ZNF341: variants seen among roughly 807,000 people sequenced by gnomAD.
The protein encoded by ZNF341 is zinc finger protein 341.
A neutral mutation model predicts 87.7 loss-of-function variants in ZNF341; 52 were observed. That is an observed-to-expected ratio of 0.59 (90% CI 0.47 to 0.75). The LOEUF is 0.75. Ranked by LOEUF, ZNF341 falls within the 30% of genes least tolerant of loss-of-function variation. The pLI is 0.00. For missense variants in ZNF341, 977 were observed against 1,145.9 expected (o/e 0.85, Z 2.13); for synonymous variants, 459 against 472.7 (o/e 0.97, Z 0.38).
intron 1 of ZNF341, among the ~76,000 whole-genome samples, chr20:33,737,332 T>TATTTTTA (rs1483811366): frequency 2.7e-4 from 41 of 152,140 alleles, no homozygotes; most frequent in African/African-American, 8.2e-4. Context: ...TTTTATTTTT[T>TATTTTTA]ATTTTTTGAG....
rs751333161 is a variant in ZNF341 at position 33,753,213 on chromosome 20, GCCTCCACCTCCT to G, written c.546_557del (p.Pro184_Pro187del). On this transcript the variant is annotated inframe_deletion, in exon 5 of 15. Transcript: ENST00000375200. ...ATTCCGTGCCCAGCTACCTCACCCA[GCCTCCACCTCCT>G]CCTCCACCTCCTCCACCACTGCCCC... 43 of 1,611,624 alleles carry G rather than the reference GCCTCCACCTCCT, an allele frequency of 2.7e-5. No individual in the cohort carries two copies. Among genetic ancestry groups the G allele is most frequent in the African/African-American group, 8.0e-5 (6 of 74,776 alleles).
chr20:33,736,131 AAAAAAAAAAAG>A (rs1434673924), intron 1 of ZNF341, among the ~76,000 whole-genome samples: 3 of 128,114 alleles, frequency 2.3e-5, no homozygotes, highest in Admixed American at 1.7e-4. Context: ...CTGTCTCAAA[AAAAAAAAAAAG>A]TAAAAACTGG....
Position 33,764,087 on chromosome 20 carries a change from C to T in ZNF341, c.1222+2032C>T, listed in dbSNP as rs567898590. On this transcript the variant is annotated intron_variant, in intron 8 of 14. Transcript: ENST00000375200. Reference sequence around the variant, plus strand: ...TTGCCCAGGCTGGAGTGCAGTGGCGCGATCTCAGCTCACTGCAAGCTCCGC... The same window carrying T: ...TTGCCCAGGCTGGAGTGCAGTGGCGTGATCTCAGCTCACTGCAAGCTCCGC... 8.7e-5 allele frequency among the ~76,000 whole-genome samples: 13 copies of T among 148,766 alleles called. 1 individual carries two copies. Among genetic ancestry groups the T allele is most frequent in the Middle Eastern group, 3.5e-3 (1 of 286 alleles).
intron 10 of ZNF341, among the ~76,000 whole-genome samples, chr20:33,770,964 C>CA (rs1230983529): frequency 2.0e-5 from 3 of 151,234 alleles, no homozygotes; most frequent in African/African-American, 7.3e-5. Context: ...ACTAAAAATA[C>CA]AAAAAAAATT....
In ZNF341 at chr20:33,761,918, A is replaced by G; in HGVS notation, c.1085A>G (p.Lys362Arg). The change falls in exon 8 of 15, where the codon AAG (lysine) becomes AGG (arginine). Residue 362 changes from lysine (K) to arginine (R), a missense_variant. This residue lies in a region of ZNF341 where 515 missense variants were observed against 598.2 expected (regional missense o/e 0.86). Coordinates refer to ENST00000375200, the MANE Select transcript of ZNF341 (RefSeq NM_001282933.2). ...CIACGRAFAQ[K>R]SNVKKHMQTH... ...GCATGTGGCCGTGCCTTTGCCCAGA[A>G]GTCTAATGTTAAGAAACACATGCAG... 1 of 1,602,806 alleles carries G rather than the reference A, an allele frequency of 6.2e-7. No homozygotes were observed. The highest frequency in any genetic ancestry group is 8.5e-7 in the Non-Finnish European group (1 of 1,171,950).
chr20:33,749,142 T>C (rs756224546), intron 4 of ZNF341, 70 bp downstream of exon 4: 43 of 1,542,632 alleles, frequency 2.8e-5, no homozygotes, highest in Non-Finnish European at 3.7e-5. Context: ...AGATTCAGAA[T>C]CTTGTAGAAT....
chr20:33,745,329 C>CT, intron 3 of ZNF341, 30 bp downstream of exon 3: 4 of 1,597,298 alleles, frequency 2.5e-6, no homozygotes, highest in Non-Finnish European at 3.4e-6. Flanking sequence ...TTCAACATGT[C>CT]TTTTTTGAGG....
intron 11 of ZNF341, among the ~76,000 whole-genome samples, chr20:33,782,100 GC>G (rs770088054): frequency 2.6e-5 from 4 of 152,098 alleles, no homozygotes; most frequent in Non-Finnish European, 4.4e-5. Context: ...GAGCCATCAT[GC>G]CCAGCCTGGA....
chr20:33,761,712 C>T, intron 7 of ZNF341, 150 bp from the exon 8 acceptor site: 1 of 594,020 alleles, frequency 1.7e-6, no homozygotes, highest in Non-Finnish European at 2.7e-6. Flanking sequence ...GGTCTGCCTG[C>T]CTCAGCGAAG....
chr20:33,752,358 A>C, intron 4 of ZNF341: 2 of 626,712 alleles, frequency 3.2e-6, no homozygotes, highest in Non-Finnish European at 6.1e-6. Context: ...GTATCAATGC[A>C]CACATCTGGA....
At chr20:33,748,863 T>G in intron 3 of ZNF341, 60 bp from the exon 4 acceptor site, 2 of 1,527,522 alleles carry the variant, frequency 1.3e-6, no homozygotes, top group Non-Finnish European at 1.8e-6. Flanking sequence ...CACGCACACA[T>G]GAGCACACAC....
chr20:33,776,795 A>G (rs2122717565), intron 10 of ZNF341, among the ~76,000 whole-genome samples: 1 of 152,252 alleles, frequency 6.6e-6, no homozygotes, highest in South Asian at 2.1e-4. Flanking sequence ...CTAGGACTAC[A>G]GGCAGGCGCC....
In ZNF341 at chr20:33,745,299, G is replaced by A; in HGVS notation, c.339G>A (p.Gln113=). The change falls in exon 3 of 15, where the codon CAG becomes CAA. Residue 113 remains glutamine, a splice_region_variant and synonymous_variant. Transcript: ENST00000375200. ...AGGCCCCAACTCCTGCCAATCGCCA[G>A]GTATTTGTTCATTTATTCATTCAAC... ...VQQAPTPANR[Q]ISTYITVPPS... The A allele has an allele frequency of 5.6e-6, 9 of 1,611,278 alleles. No homozygotes were observed. The highest frequency in any genetic ancestry group is 7.6e-6 in the Non-Finnish European group (9 of 1,177,898).
At chr20:33,747,159 C>T (rs1324728440) in intron 3 of ZNF341, among the ~76,000 whole-genome samples, 8 of 152,122 alleles carry the variant, frequency 5.3e-5, no homozygotes, top group Non-Finnish European at 1.2e-4. Flanking sequence ...TCTCAGGATG[C>T]CAGGTCAAGG....
intron 3 of ZNF341, among the ~76,000 whole-genome samples, chr20:33,747,298 T>C (rs1601240767): frequency 6.6e-6 from 1 of 152,064 alleles, no homozygotes; most frequent in African/African-American, 2.4e-5. Flanking sequence ...ACATATAGAC[T>C]GAAACAGGCA....
At position 33,788,968 on chromosome 20, in the gene ZNF341, C is replaced by G. The variant is rs2019935180; in HGVS notation, c.1958C>G (p.Pro653Arg). The change falls in exon 13 of 15, where the codon CCT becomes CGT. Residue 653 changes from proline to arginine, a missense_variant. Around this residue, in one of 3 missense-constraint regions of ZNF341, gnomAD observed 241 missense variants for 335.0 expected, o/e 0.72. Transcript: ENST00000375200. Reference sequence around the variant, plus strand: ...GAGCCCTTCAAGAAATACAAATGCCCTTTCTCGTGAGTAGAGACTGCCATG... The same window carrying G: ...GAGCCCTTCAAGAAATACAAATGCCGTTTCTCGTGAGTAGAGACTGCCATG... The part of the protein sequence containing the change: ...IHEPFKKYKC[P>R]FSTHTGCSKE... 6.2e-7 allele frequency: 1 copy of G among 1,613,454 alleles called. No homozygotes were observed. Among genetic ancestry groups the G allele is most frequent in the Non-Finnish European group, 8.5e-7 (1 of 1,179,670 alleles).
intron 9 of ZNF341, among the ~76,000 whole-genome samples, chr20:33,768,839 A>T (rs534591821): frequency 2.6e-5 from 4 of 152,358 alleles, no homozygotes; most frequent in Non-Finnish European, 4.4e-5. Context: ...ACTATTTATC[A>T]AAGTATGATT....
At chr20:33,752,585 A>G (rs548720997) in intron 4 of ZNF341, 3 of 346,536 alleles carry the variant, frequency 8.7e-6, no homozygotes, top group South Asian at 8.3e-5. Context: ...TTCTTAAGAT[A>G]GCAACATTAG....
chr20:33,790,583 T>A (rs1005990683), intron 14 of ZNF341, among the ~76,000 whole-genome samples: 1 of 152,112 alleles, frequency 6.6e-6, no homozygotes, highest in African/African-American at 2.4e-5. Flanking sequence ...CTAAAGAAAG[T>A]GTGAAAACTG....
Sources: allele counts gnomAD v4.1 joint callset (sites outside exome capture counted in the v4.1 genomes callset), GRCh38; gene constraint gnomAD v4.1.1; regional missense constraint gnomAD v4.1.1; transcripts MANE v1.5; gene names NCBI Gene and HGNC (gene_info 2026-07-23, HGNC 2026-07-21).